CNTROB: variants seen among roughly 807,000 people sequenced by gnomAD.
The protein encoded by CNTROB is centrobin, centriole duplication and spindle assembly protein.
A neutral mutation model predicts 115.7 loss-of-function variants in CNTROB; 82 were observed. The ratio of observed to expected loss-of-function variants is 0.71; its 90% confidence interval spans 0.59 to 0.85. The LOEUF is 0.85. Ranked by LOEUF, CNTROB falls within the 40% of genes least tolerant of loss-of-function variation. The pLI is 0.00. For missense variants in CNTROB, 1,014 were observed against 1,144.4 expected, an observed-to-expected ratio of 0.89 and a Z score of 1.64; for synonymous variants, 439 against 456.4, an observed-to-expected ratio of 0.96 and a Z score of 0.49.
At chr17:7,936,178 G>T in intron 4 of CNTROB, 188 bp from the exon 5 acceptor site, 5 of 587,606 alleles carry the variant, frequency 8.5e-6, no homozygotes, top group Non-Finnish European at 1.5e-5. Flanking sequence ...ACAGAAACAT[G>T]TTGGAGATCT....
In CNTROB at chr17:7,949,647, A is replaced by C; in HGVS notation, c.*137A>C. 2.4e-6 allele frequency: 2 copies of C among 823,370 alleles called. No individual in the cohort carries two copies. Among genetic ancestry groups the C allele is most frequent in the East Asian group, 6.1e-5 (2 of 32,664 alleles). 51.0% of individuals were successfully genotyped at this position (823,370 alleles called of 1,614,324 possible). A position where few individuals can be genotyped will look rare whatever the true frequency, so the allele number is the denominator to read the frequency against. ...TAGGGAATCACTTCGTAAAGAAACC[A>C]CATTTGGTTGAGTACTTTTTTTATA... On this transcript the variant is annotated 3_prime_UTR_variant, in exon 19 of 19. Coordinates refer to ENST00000563694, the MANE Select transcript of CNTROB (RefSeq NM_053051.5).
At chr17:7,942,327 G>A (rs576379417) in intron 9 of CNTROB, among the ~76,000 whole-genome samples, 16 of 152,096 alleles carry the variant, frequency 1.1e-4, no homozygotes, top group Non-Finnish European at 2.1e-4. Context: ...TTTGGGCCAT[G>A]CGCGGTGGCT....
At chr17:7,949,224 C>T in intron 18 of CNTROB, 67 bp downstream of exon 18, 1 of 1,567,332 alleles carries the variant, frequency 6.4e-7, no homozygotes, top group Admixed American at 1.7e-5. Flanking sequence ...TTCACCTCTG[C>T]ACACTCCTGG....
rs190150221 is a variant in CNTROB, at chr17:7,949,623, A to G, written c.*113A>G. On this transcript the variant is annotated 3_prime_UTR_variant, in exon 19 of 19. Transcript: ENST00000563694. ...GGAATTTGGAAAATAGAGGTTTTGT[A>G]GGGAATCACTTCGTAAAGAAACCAC... is the stretch of plus-strand genomic sequence containing the variant. 245 of 1,131,474 alleles carry G rather than the reference A, an allele frequency of 2.2e-4. 2 individuals are homozygous for G. The highest frequency in any genetic ancestry group is 4.6e-5 in the Non-Finnish European group (38 of 834,992). 70.1% of individuals were successfully genotyped at this position (1,131,474 alleles called of 1,614,324 possible). A position where few individuals can be genotyped will look rare whatever the true frequency, so the allele number is the denominator to read the frequency against.
At position 7,948,563 on chromosome 17, in the gene CNTROB, G is replaced by T; in HGVS notation, c.2457G>T (p.Trp819Cys). ...TGCGACTCTACCAGGCTCGGGGCTG[G>T]GGGGCTCTGCCTGCTGAGGATCTCC... ...QLLRLYQARG[W>C]GALPAEDLLL... is the part of the protein sequence containing the mutation. Residue 819 changes from tryptophan to cysteine, a missense_variant, in exon 17 of 19, where the codon TGG becomes TGT. Coordinates refer to ENST00000563694, the MANE Select transcript of CNTROB (RefSeq NM_053051.5). This position sits in a 1 kb window ranked among gnomAD's most constrained non-coding sequence, Gnocchi z 4.4. 6.2e-7 allele frequency: 1 copy of T among 1,614,182 alleles called. No individual in the cohort carries two copies. The highest frequency in any genetic ancestry group is 1.7e-4 in the Middle Eastern group (1 of 6,060).
chr17:7,944,565 A>G lies in CNTROB; in HGVS notation c.1661A>G (p.Gln554Arg). Residue 554 changes from glutamine (Q) to arginine (R), a missense_variant, in exon 12 of 19, where the codon CAG becomes CGG. Coordinates refer to ENST00000563694, the MANE Select transcript of CNTROB (RefSeq NM_053051.5). This position sits in a 1 kb window ranked among gnomAD's most constrained non-coding sequence, Gnocchi z 4.0. ...EQRVELVERL[Q>R]AMLQAHWDEA... Reference sequence around the variant, plus strand: ...CGGGTGGAGCTGGTGGAAAGACTGCAGGCCATGCTGCAGGCCCACTGGGAT... The same window carrying G: ...CGGGTGGAGCTGGTGGAAAGACTGCGGGCCATGCTGCAGGCCCACTGGGAT... The G allele has an allele frequency of 3.1e-6, 5 of 1,614,208 alleles. No individual in the cohort carries two copies. The highest frequency in any genetic ancestry group is 4.2e-6 in the Non-Finnish European group (5 of 1,180,036).
At chr17:7,941,971 A>C (rs1343209504) in intron 9 of CNTROB, among the ~76,000 whole-genome samples, 2 of 151,092 alleles carry the variant, frequency 1.3e-5, no homozygotes, top group Non-Finnish European at 3.0e-5. Flanking sequence ...CTCAAAAAAA[A>C]AAAAGACAGA....
intron 13 of CNTROB, among the ~76,000 whole-genome samples, chr17:7,946,302 T>C (rs1267147757): frequency 6.6e-6 from 1 of 152,232 alleles, no homozygotes; most frequent in African/African-American, 2.4e-5. Flanking sequence ...ATCTGCTCTT[T>C]TTTCTTGCTA....
intron 9 of CNTROB, among the ~76,000 whole-genome samples, chr17:7,941,012 G>C (rs1973787362): frequency 6.6e-6 from 1 of 152,162 alleles, no homozygotes; most frequent in South Asian, 2.1e-4. Flanking sequence ...AGGCAATGGA[G>C]GGCTGAATTG....
At chr17:7,934,029 G>A (rs1011775239) in intron 1 of CNTROB, 109 bp from the exon 2 acceptor site, 20 of 814,130 alleles carry the variant, frequency 2.5e-5, no homozygotes, top group African/African-American at 5.1e-5. Context: ...TATTGGATCC[G>A]TTTGGTTTTT....
Position 7,948,018 on chromosome 17 carries a change from A to G in CNTROB, c.2209+39A>G. On this transcript the variant is annotated intron_variant, in intron 15 of 18. Coordinates refer to ENST00000563694, the MANE Select transcript of CNTROB (RefSeq NM_053051.5). This position sits in a 1 kb window ranked among gnomAD's most constrained non-coding sequence, Gnocchi z 4.4. ...CTGAAGAAGGTTGGGGCTGGGGCCT[A>G]GGAAAGATCGGAGTTGGTTATCTAG... 1 of 1,603,020 alleles carries G rather than the reference A, an allele frequency of 6.2e-7. No homozygotes were observed. The highest frequency in any genetic ancestry group is 8.5e-7 in the Non-Finnish European group (1 of 1,170,046).
chr17:7,948,227 C>T lies in CNTROB; in HGVS notation c.2280C>T (p.Thr760=). The change falls in exon 16 of 19, where the codon ACC becomes ACT. Residue 760 remains threonine (T), a synonymous_variant. Coordinates refer to ENST00000563694, the MANE Select transcript of CNTROB (RefSeq NM_053051.5). This position sits in a 1 kb window ranked among gnomAD's most constrained non-coding sequence, Gnocchi z 4.4. ...GTATTCCACCGCCTGTCCACAAAAC[C>T]AAAGTTCCCTTAGCCATGGCATCCA... The part of the protein sequence containing the change: ...VPRIPPPVHK[T]KVPLAMASSL... The T allele has an allele frequency of 6.2e-7, 1 of 1,614,162 alleles. No individual in the cohort carries two copies. The highest frequency in any genetic ancestry group is 1.1e-5 in the South Asian group (1 of 91,088).
At position 7,933,126 on chromosome 17, in the gene CNTROB, A is replaced by T; in HGVS notation, c.47A>T (p.Asp16Val). 6.2e-7 allele frequency: 1 copy of T among 1,613,978 alleles called. No individual in the cohort carries two copies. Among genetic ancestry groups the T allele is most frequent in the Non-Finnish European group, 8.5e-7 (1 of 1,179,986 alleles). Residue 16 changes from aspartate to valine, a missense_variant, in exon 1 of 19, where the codon GAT becomes GTT. Physicochemically the swap from Asp to Val is radical, Grantham distance 152 (BLOSUM62 -3). Coordinates refer to ENST00000563694, the MANE Select transcript of CNTROB (RefSeq NM_053051.5). Reference protein sequence around the residue: ...DSPSSPLGAEDLLSDSSEPPG... With the variant: ...DSPSSPLGAEVLLSDSSEPPG... ...CCCAGTTCACCCCTCGGGGCGGAGG[A>T]TCTCCTGAGTGATTCATCAGAACCC... is the stretch of plus-strand genomic sequence containing the variant.
rs373234705 is a variant in CNTROB, at chr17:7,944,174, G to C, written c.1497G>C (p.Gln499His). ...AGCACCAGCAGGAGCTGGCCAGTCA[G>C]CTAGCTCAGTTCAAGGTGGAAATGG... ...SGQHQQELASQLAQFKVEMAE... is the reference protein window; with the variant it reads ...SGQHQQELASHLAQFKVEMAE... The change falls in exon 11 of 19, where the codon CAG becomes CAC. Residue 499 changes from glutamine (Q) to histidine (H), a missense_variant. By Grantham distance (24) the Gln-to-His change is conservative. Transcript: ENST00000563694. This position sits in a 1 kb window ranked among gnomAD's most constrained non-coding sequence, Gnocchi z 4.0. 1.1e-5 allele frequency: 17 copies of C among 1,612,070 alleles called. No individual in the cohort carries two copies. Among genetic ancestry groups the C allele is most frequent in the Non-Finnish European group, 1.4e-5 (17 of 1,178,216 alleles).
chr17:7,941,012 G>A (rs1973787362), intron 9 of CNTROB, among the ~76,000 whole-genome samples: 1 of 152,162 alleles, frequency 6.6e-6, no homozygotes, highest in Non-Finnish European at 1.5e-5. Flanking sequence ...AGGCAATGGA[G>A]GGCTGAATTG....
intron 4 of CNTROB, among the ~76,000 whole-genome samples, chr17:7,935,388 G>T (rs1264418128): frequency 6.6e-6 from 1 of 152,162 alleles, no homozygotes; most frequent in Non-Finnish European, 1.5e-5. Context: ...TGTAGTCCCA[G>T]CTACTCGGGA....
At chr17:7,935,688 C>T (rs1180298588) in intron 4 of CNTROB, 1 of 162,206 alleles carries the variant, frequency 6.2e-6, no homozygotes, top group East Asian at 1.9e-4. Context: ...TTGTTTTTTT[C>T]TCCTCTCTAA....
At chr17:7,945,661 T>A (rs1483937291) in intron 12 of CNTROB, 67 bp from the exon 13 acceptor site, 3 of 1,491,206 alleles carry the variant, frequency 2.0e-6, no homozygotes, top group Non-Finnish European at 2.7e-6. Flanking sequence ...TTAAAGTGTT[T>A]GTACCATGTC....
chr17:7,940,726 A>C (rs1165624997), intron 9 of CNTROB, among the ~76,000 whole-genome samples: 1 of 152,220 alleles, frequency 6.6e-6, no homozygotes, highest in Admixed American at 6.5e-5. Context: ...AATTGTACTC[A>C]AAAATTGTTT....
Sources: gnomAD v4.1 joint callset for allele counts (sites outside exome capture counted in the v4.1 genomes callset) on GRCh38, gnomAD v4.1.1 for gene constraint, Gnocchi (gnomAD v3.1) non-coding constraint, MANE v1.5 for transcripts, NCBI Gene and HGNC (gene_info 2026-07-23, HGNC 2026-07-21) for gene names.